HEATR3: variants seen among roughly 807,000 people sequenced by gnomAD.
The protein encoded by HEATR3 is HEAT repeat containing 3.
In HEATR3, 56 loss-of-function variants were observed where a neutral mutation model predicts 72.8. The ratio of observed to expected loss-of-function variants is 0.77; its 90% CI spans 0.62 to 0.96. The LOEUF (loss-of-function observed/expected upper bound fraction) is 0.96, where lower values mean the gene tolerates loss of function less well. Ranked by LOEUF, HEATR3 falls within the 40% of genes least tolerant of loss-of-function variation. The probability of loss-of-function intolerance (pLI) is 0.00; values close to 1 mark genes in which losing one functional copy is unlikely to be tolerated. For missense variants in HEATR3, 747 were observed against 831.4 expected (o/e 0.90, Z 1.25); for synonymous variants, 331 against 318.1 (o/e 1.04, Z -0.43).
chr16:50,076,934 C>G (rs2036745383), intron 6 of HEATR3, among the ~76,000 whole-genome samples: 1 of 146,458 alleles, frequency 6.8e-6, no homozygotes, highest in South Asian at 2.1e-4. Context: ...GTGGCGCGAT[C>G]TCCACTCACT....
chr16:50,083,360 A>G (rs1297573706), intron 7 of HEATR3, among the ~76,000 whole-genome samples: 2 of 152,200 alleles, frequency 1.3e-5, no homozygotes, highest in Admixed American at 6.6e-5. Flanking sequence ...CAGAGAAAAA[A>G]AAAGCTTCCT....
At chr16:50,103,579 C>T (rs995739600) in intron 14 of HEATR3, among the ~76,000 whole-genome samples, 19 of 152,214 alleles carry the variant, frequency 1.2e-4, no homozygotes, top group Admixed American at 4.6e-4. Context: ...TCCTCGGCCC[C>T]AACTCCTGAC....
intron 5 of HEATR3, 111 bp from the exon 6 acceptor site, chr16:50,075,460 A>G (rs2036703916): frequency 1.3e-5 from 13 of 992,094 alleles, no homozygotes; most frequent in Admixed American, 4.5e-5. Flanking sequence ...CAAAACCTAC[A>G]TGTGTCTAAT....
At position 50,066,207 on chromosome 16, in the gene HEATR3, G is replaced by T; in HGVS notation, c.76G>T (p.Ala26Ser). ...PTGDCQAEAA[A>S]AANGTGGEED... is the part of the protein sequence containing the mutation. ...GGGCGACTGTCAGGCCGAGGCGGCT[G>T]CGGCGGCGAATGGGACCGGAGGCGA... Residue 26 changes from alanine to serine, a missense_variant, in exon 1 of 15, where the codon GCG becomes TCG. By Grantham distance (99) the Ala-to-Ser change is moderately conservative. Coordinates refer to ENST00000299192, the MANE Select transcript of HEATR3 (RefSeq NM_182922.4). 1 of 1,581,332 alleles carries T rather than the reference G, an allele frequency of 6.3e-7. No homozygotes were observed. Among genetic ancestry groups the T allele is most frequent in the Non-Finnish European group, 8.6e-7 (1 of 1,165,122 alleles).
chr16:50,066,703 C>G (rs2036505622), intron 2 of HEATR3, 164 bp downstream of exon 2: 4 of 597,438 alleles, frequency 6.7e-6, no homozygotes, highest in Non-Finnish European at 9.8e-6. Context: ...CGGAGAAGCC[C>G]AGTATCCCCG....
Position 50,079,685 on chromosome 16 carries a change from G to A in HEATR3, c.1041+667G>A, listed in dbSNP as rs372374259. 1.4e-4 allele frequency among the ~76,000 whole-genome samples: 22 copies of A among 152,242 alleles called. No homozygotes were observed. The East Asian group carries it at 3.1e-3, about 21-fold the overall frequency. On this transcript the variant is annotated intron_variant, in intron 7 of 14. Coordinates refer to ENST00000299192, the MANE Select transcript of HEATR3 (RefSeq NM_182922.4). ...TAAGGAGGAGAGCAAATAGGAAGAC[G>A]GGGCACAGTGAGTGAGGCTTTATTC...
intron 7 of HEATR3, among the ~76,000 whole-genome samples, chr16:50,082,551 T>C (rs1292054669): frequency 1.3e-5 from 2 of 151,488 alleles, no homozygotes; most frequent in African/African-American, 4.8e-5. Context: ...ATCCCTGAGC[T>C]ACGTCTATTG....
intron 12 of HEATR3, among the ~76,000 whole-genome samples, chr16:50,099,652 C>T (rs1420164165): frequency 6.6e-6 from 1 of 152,168 alleles, no homozygotes; most frequent in Non-Finnish European, 1.5e-5. Flanking sequence ...AATCTCAGCT[C>T]ACTGCAACCT....
chr16:50,093,627 G>A (rs1324061555), intron 11 of HEATR3, among the ~76,000 whole-genome samples: 2 of 152,192 alleles, frequency 1.3e-5, no homozygotes, highest in Non-Finnish European at 2.9e-5. Context: ...TGCAGAGGCT[G>A]AGAAATACTA....
intron 6 of HEATR3, 125 bp from the exon 7 acceptor site, chr16:50,078,616 C>A: frequency 1.1e-6 from 1 of 877,762 alleles, no homozygotes; most frequent in Non-Finnish European, 1.7e-6. Flanking sequence ...AAATAATGAA[C>A]AAAGGCAGTA....
rs529172227 is a variant in HEATR3 at position 50,089,480 on chromosome 16, G to C, written c.1510+3129G>C. On this transcript the variant is annotated intron_variant, in intron 11 of 14. Transcript: ENST00000299192. ...CATTACAATACCTCTGGGCTGTCCA[G>C]CTTGCTTGGGGCCCATACTCGTATC... Among the ~76,000 whole-genome samples, 373 of 152,282 alleles carry C rather than the reference G, an allele frequency of 2.4e-3. 1 individual carries two copies. Among genetic ancestry groups the C allele is most frequent in the Non-Finnish European group, 4.0e-3 (270 of 68,034 alleles).
Position 50,105,213 on chromosome 16 carries a change from G to A in HEATR3, c.*152G>A. Reference sequence around the variant, plus strand: ...AAACTTCAAAACCTGGCCAGGCATGGTGGCTCACGCCTATAATCCCAGCAC... The same window carrying A: ...AAACTTCAAAACCTGGCCAGGCATGATGGCTCACGCCTATAATCCCAGCAC... On this transcript the variant is annotated 3_prime_UTR_variant, in exon 15 of 15. Transcript: ENST00000299192. 1 of 796,810 alleles carries A rather than the reference G, an allele frequency of 1.3e-6. No homozygotes were observed. The highest frequency in any genetic ancestry group is 1.6e-5 in the South Asian group (1 of 61,720). The allele number at this position is 796,810 out of a possible 1,614,324, so 49.4% of individuals were successfully genotyped here. A position where few individuals can be genotyped will look rare whatever the true frequency, so the allele number is the denominator to read the frequency against.
chr16:50,074,394 C>T (rs1206526738), intron 5 of HEATR3: 1 of 149,026 alleles, frequency 6.7e-6, no homozygotes, highest in Non-Finnish European at 1.5e-5. Flanking sequence ...GGCTGGAGTG[C>T]AGTGGCGCAA....
intron 12 of HEATR3, among the ~76,000 whole-genome samples, chr16:50,096,248 C>T (rs2037232467): frequency 7.0e-6 from 1 of 142,674 alleles, no homozygotes; most frequent in South Asian, 2.2e-4. Context: ...TCACTTGAAC[C>T]TGGGAGGCGG....
At chr16:50,077,877 ATTTTT>A (rs56374170) in intron 6 of HEATR3, among the ~76,000 whole-genome samples, 1 of 104,342 alleles carries the variant, frequency 9.6e-6, no homozygotes, top group African/African-American at 3.8e-5. Context: ...AATGGATGTA[ATTTTT>A]TTTTTTTTTT....
chr16:50,084,550 C>T lies in HEATR3; in HGVS notation c.1291-19C>T. 1 of 1,563,800 alleles carries T rather than the reference C, an allele frequency of 6.4e-7. No homozygotes were observed. Among genetic ancestry groups the T allele is most frequent in the Non-Finnish European group, 8.8e-7 (1 of 1,136,312 alleles). On this transcript the variant is annotated intron_variant, in intron 9 of 14. Coordinates refer to ENST00000299192, the MANE Select transcript of HEATR3 (RefSeq NM_182922.4). ...TGACTACTCTTTAACCTTTGCTTTA[C>T]TGCCTCTTTTAAATCTAGATTTTTG...
At chr16:50,074,723 C>G (rs796583476) in intron 5 of HEATR3, 1 of 152,274 alleles carries the variant, frequency 6.6e-6, no homozygotes, top group Admixed American at 6.5e-5. Flanking sequence ...TAGCTCACAC[C>G]TGTAATCCCA....
At chr16:50,068,649 C>T (rs1257178234) in intron 2 of HEATR3, 131 bp from the exon 3 acceptor site, 8 of 693,400 alleles carry the variant, frequency 1.2e-5, no homozygotes, top group South Asian at 5.3e-5. Flanking sequence ...GGTTCTGCAG[C>T]GTATGACAGA....
chr16:50,102,535 C>T (rs1008917584), intron 14 of HEATR3, 100 bp downstream of exon 14: 9 of 1,014,436 alleles, frequency 8.9e-6, no homozygotes, highest in African/African-American at 3.2e-5. Flanking sequence ...ATGTGCATGA[C>T]GAATCCCCAT....
Sources: allele counts gnomAD v4.1 joint callset (sites outside exome capture counted in the v4.1 genomes callset), GRCh38; gene constraint gnomAD v4.1.1; transcripts MANE v1.5; gene names NCBI Gene and HGNC (gene_info 2026-07-23, HGNC 2026-07-21).